The following CACNB4 variants were observed in gnomAD, a reference collection of about 807,000 sequenced individuals.
CACNB4 encodes voltage-dependent L-type calcium channel subunit beta-4.
In CACNB4, 32 loss-of-function variants were observed where a neutral mutation model predicts 71.2. The ratio of observed to expected loss-of-function variants is 0.45; its 90% CI spans 0.34 to 0.60. CACNB4 has a LOEUF of 0.60. Among genes scored for constraint, CACNB4 ranks in the 20% least tolerant of loss-of-function variants. The pLI, the probability that CACNB4 is intolerant of heterozygous loss-of-function variation, is 0.01. For missense variants in CACNB4, 464 were observed against 647.9 expected, an observed-to-expected ratio of 0.72 and a Z score of 3.08; for synonymous variants, 231 against 236.9, an observed-to-expected ratio of 0.97 and a Z score of 0.23.
At chr2:151,951,100 A>G (rs1176922796) in intron 2 of CACNB4, among the ~76,000 whole-genome samples, 1 of 151,842 alleles carries the variant, frequency 6.6e-6, no homozygotes, top group Non-Finnish European at 1.5e-5. Flanking sequence ...TAATTTTTGT[A>G]TTTTCAGTAG....
chr2:152,051,526 TGG>T (rs1685429734), intron 2 of CACNB4, among the ~76,000 whole-genome samples: 1 of 152,126 alleles, frequency 6.6e-6, no homozygotes, highest in Non-Finnish European at 1.5e-5. Context: ...GCCCTCCTGA[TGG>T]GGTTAGCGTC....
At chr2:152,025,740 T>C (rs777263167) in intron 2 of CACNB4, among the ~76,000 whole-genome samples, 22 of 152,250 alleles carry the variant, frequency 1.4e-4, no homozygotes, top group Non-Finnish European at 3.1e-4. Flanking sequence ...CCGTACTGTG[T>C]ATTTTAAAGG....
chr2:152,031,168 G>A lies in CACNB4; in HGVS notation c.147+67162C>T, dbSNP rs540589252. 2.6e-5 allele frequency among the ~76,000 whole-genome samples: 4 copies of A among 152,274 alleles called. No individual in the cohort carries two copies. The South Asian group carries it at 8.3e-4, about 32-fold the overall frequency. On this transcript the variant is annotated intron_variant, in intron 2 of 13. Transcript: ENST00000539935. Reference sequence around the variant, plus strand: ...AATGACCATCATCCTGATGTGCCCAGAACTCTTTCAGTTTTAGCACCTAAT... The same window carrying A: ...AATGACCATCATCCTGATGTGCCCAAAACTCTTTCAGTTTTAGCACCTAAT...
In CACNB4 at chr2:151,838,145, G is replaced by A. The variant is rs2099835294; in HGVS notation, c.*974C>T. On this transcript the variant is annotated 3_prime_UTR_variant, in exon 14 of 14. Transcript: ENST00000539935. ...AGTGAAATAGATGAATTCCCACCTG[G>A]AAGTGTTTAGCATTGCACTCGGGAG... 6.6e-6 allele frequency: 1 copy of A among 152,510 alleles called. No individual in the cohort carries two copies. The highest frequency in any genetic ancestry group is 1.5e-5 in the Non-Finnish European group (1 of 68,028). 9.4% of individuals were successfully genotyped at this position (152,510 alleles called of 1,614,324 possible). A position where few individuals can be genotyped will look rare whatever the true frequency, so the allele number is the denominator to read the frequency against.
intron 2 of CACNB4, among the ~76,000 whole-genome samples, chr2:152,002,069 A>G (rs1233878638): frequency 6.6e-6 from 1 of 152,126 alleles, no homozygotes; most frequent in Non-Finnish European, 1.5e-5. Context: ...ACTGCTCACA[A>G]CCTTTCCGTG....
intron 2 of CACNB4, among the ~76,000 whole-genome samples, chr2:151,981,490 G>A (rs1430625104): frequency 6.6e-6 from 1 of 152,138 alleles, no homozygotes; most frequent in Non-Finnish European, 1.5e-5. Flanking sequence ...AGGTCTGAGC[G>A]GAACTCCTGT....
At chr2:151,848,254 G>C (rs771460067) in intron 12 of CACNB4, among the ~76,000 whole-genome samples, 23 of 152,182 alleles carry the variant, frequency 1.5e-4, no homozygotes, top group Non-Finnish European at 2.9e-4. Flanking sequence ...CCTGGAAAAG[G>C]TGTAGTCCCC....
At chr2:151,978,323 T>C (rs771856209) in intron 2 of CACNB4, among the ~76,000 whole-genome samples, 1 of 152,210 alleles carries the variant, frequency 6.6e-6, no homozygotes, top group Non-Finnish European at 1.5e-5. Flanking sequence ...ATTGGCCTTT[T>C]TAATTTTTTT....
intron 2 of CACNB4, among the ~76,000 whole-genome samples, chr2:152,059,273 A>T (rs1220821238): frequency 6.6e-6 from 1 of 152,220 alleles, no homozygotes; most frequent in African/African-American, 2.4e-5. Context: ...AGATCCACTG[A>T]CAGCCTGCAC....
At chr2:152,010,366 G>T (rs1560129334) in intron 2 of CACNB4, among the ~76,000 whole-genome samples, 1 of 152,174 alleles carries the variant, frequency 6.6e-6, no homozygotes, top group Non-Finnish European at 1.5e-5. Flanking sequence ...AGAAGAGACG[G>T]GTTTAACGTG....
chr2:151,907,278 T>C (rs914631445), intron 2 of CACNB4, among the ~76,000 whole-genome samples: 5 of 152,264 alleles, frequency 3.3e-5, no homozygotes, highest in Non-Finnish European at 5.9e-5. Flanking sequence ...ACAAAAGCTT[T>C]AGTTTATGTT....
chr2:151,920,935 A>G lies in CACNB4; in HGVS notation c.148-37565T>C, dbSNP rs147728384. Among the ~76,000 whole-genome samples the G allele has an allele frequency of 6.0e-3, 914 of 152,056 alleles. 14 individuals carry two copies. Among genetic ancestry groups the G allele is most frequent in the African/African-American group, 0.019 (808 of 41,478 alleles). On this transcript the variant is annotated intron_variant, in intron 2 of 13. Transcript: ENST00000539935. Reference sequence around the variant, plus strand: ...GGACGGATCACGAGGTCAGGAGATCAAGACCATCCTGGCTAACACAGTGAA... The same window carrying G: ...GGACGGATCACGAGGTCAGGAGATCGAGACCATCCTGGCTAACACAGTGAA...
intron 2 of CACNB4, among the ~76,000 whole-genome samples, chr2:151,942,382 T>G (rs1039674058): frequency 6.7e-6 from 1 of 149,354 alleles, no homozygotes; most frequent in African/African-American, 2.6e-5. Context: ...TCCTGTTGTC[T>G]TCGTAAGCTG....
At chr2:152,004,770 G>A (rs900814183) in intron 2 of CACNB4, among the ~76,000 whole-genome samples, 1 of 152,188 alleles carries the variant, frequency 6.6e-6, no homozygotes, top group African/African-American at 2.4e-5. Flanking sequence ...AGGAGTCAGA[G>A]GCACTGTGGC....
chr2:151,912,026 C>T (rs1275472777), intron 2 of CACNB4, among the ~76,000 whole-genome samples: 1 of 152,058 alleles, frequency 6.6e-6, no homozygotes, highest in Non-Finnish European at 1.5e-5. Context: ...TCCCCTTTAT[C>T]ATTTTTTATT....
intron 2 of CACNB4, among the ~76,000 whole-genome samples, chr2:151,909,609 G>C (rs6433714): frequency 2.0e-5 from 3 of 151,606 alleles, no homozygotes; most frequent in South Asian, 2.1e-4. Context: ...TGTTGTTCCC[G>C]TTCCCCCTTC....
intron 2 of CACNB4, among the ~76,000 whole-genome samples, chr2:151,980,804 C>T (rs775610702): frequency 1.3e-5 from 2 of 152,196 alleles, no homozygotes; most frequent in Admixed American, 6.5e-5. Context: ...CAGATTCTTA[C>T]GAACTAAATA....
At chr2:152,011,186 T>G (rs1035418114) in intron 2 of CACNB4, among the ~76,000 whole-genome samples, 1 of 152,214 alleles carries the variant, frequency 6.6e-6, no homozygotes, top group Non-Finnish European at 1.5e-5. Context: ...ATCATTGAGA[T>G]GAAGTCATCT....
intron 2 of CACNB4, among the ~76,000 whole-genome samples, chr2:151,983,073 G>A (rs2099874997): frequency 6.6e-6 from 1 of 152,170 alleles, no homozygotes; most frequent in Non-Finnish European, 1.5e-5. Flanking sequence ...AAACACAACA[G>A]TGCTATGCAC....
Sources: allele counts gnomAD v4.1 joint callset (sites outside exome capture counted in the v4.1 genomes callset), GRCh38; gene constraint gnomAD v4.1.1; transcripts MANE v1.5; gene names NCBI Gene and HGNC (gene_info 2026-07-23, HGNC 2026-07-21).